Variants in PHF20 observed in about 807,000 individuals in gnomAD.
PHF20 encodes PHD finger protein 20, also known as glioma-expressed antigen 2.
PHF20 carries 23 observed loss-of-function variants against 113.5 expected under a neutral mutation model. That is an observed-to-expected ratio of 0.20 (90% CI 0.15 to 0.29). PHF20 has a LOEUF of 0.29. Among genes scored for constraint, PHF20 ranks in the 10% least tolerant of loss-of-function variants. PHF20 has a pLI of 1.00. For synonymous variants in PHF20, 434 were observed against 457.3 expected, an observed-to-expected ratio of 0.95 and a Z score of 0.65; for missense variants, 943 against 1,219.6, an observed-to-expected ratio of 0.77 and a Z score of 3.38.
Position 35,947,867 on chromosome 20 carries a change from G to A in PHF20, c.*240G>A. 2.4e-6 allele frequency: 1 copy of A among 417,344 alleles called. No homozygotes were observed. Among genetic ancestry groups the A allele is most frequent in the Non-Finnish European group, 4.3e-6 (1 of 230,192 alleles). The allele number at this position is 417,344 out of a possible 1,614,324, so 25.9% of individuals were successfully genotyped here. A position where few individuals can be genotyped will look rare whatever the true frequency, so the allele number is the denominator to read the frequency against. The stretch of plus-strand genomic sequence containing the variant: ...GACTCTTGGGATTCCCCTCTTCTGT[G>A]CACATCGTTGAATGAAGAGAGTCTT... On this transcript the variant is annotated 3_prime_UTR_variant, in exon 18 of 18. Coordinates refer to ENST00000374012, the MANE Select transcript of PHF20 (RefSeq NM_016436.5).
intron 3 of PHF20, 26 bp from the exon 4 acceptor site, chr20:35,847,324 C>CTTT (rs143955363): frequency 4.2e-5 from 49 of 1,172,162 alleles, no homozygotes; most frequent in Non-Finnish European, 5.2e-5. Context: ...GTAACAGGAT[C>CTTT]TTTTTTTTTT....
At chr20:35,825,839 A>G (rs1388438533) in intron 2 of PHF20, among the ~76,000 whole-genome samples, 1 of 152,012 alleles carries the variant, frequency 6.6e-6, no homozygotes, top group African/African-American at 2.4e-5. Flanking sequence ...TATTTTAAAA[A>G]TACTTTTTGT....
At chr20:35,772,270 C>A (rs931379535) in intron 1 of PHF20, among the ~76,000 whole-genome samples, 191 bp downstream of exon 1, 4 of 151,650 alleles carry the variant, frequency 2.6e-5, no homozygotes, top group African/African-American at 9.7e-5. Flanking sequence ...GAGAGCGTGG[C>A]GGGCGTGCGA....
At chr20:35,859,787 T>C (rs2425181) in intron 5 of PHF20, among the ~76,000 whole-genome samples, 26,827 of 152,124 alleles carry the variant, frequency 0.18, 2,591 homozygotes, top group South Asian at 0.36. Flanking sequence ...TCAGGCAATC[T>C]GCCCACCTCG....
chr20:35,942,357 C>T (rs745386923), intron 17 of PHF20, among the ~76,000 whole-genome samples: 4 of 152,128 alleles, frequency 2.6e-5, no homozygotes, highest in African/African-American at 4.8e-5. Context: ...TAATGTTAGA[C>T]AAAAAAGTGT....
chr20:35,943,552 T>C (rs569066141), intron 17 of PHF20, among the ~76,000 whole-genome samples: 4 of 151,582 alleles, frequency 2.6e-5, no homozygotes, highest in South Asian at 2.1e-4. Flanking sequence ...TATATATATA[T>C]GCCATTGTTT....
intron 3 of PHF20, chr20:35,845,380 TA>T: frequency 5.0e-6 from 2 of 398,344 alleles, no homozygotes; most frequent in South Asian, 1.8e-5. Flanking sequence ...TGTTTTTTTT[TA>T]AAGAGACGTT....
intron 13 of PHF20, among the ~76,000 whole-genome samples, chr20:35,921,509 C>A (rs1488703222): frequency 6.6e-6 from 1 of 151,708 alleles, no homozygotes; most frequent in Non-Finnish European, 1.5e-5. Context: ...ATAGCAAGAT[C>A]CTACCTCTAC....
chr20:35,846,856 C>T (rs1177011757), intron 3 of PHF20, among the ~76,000 whole-genome samples: 1 of 152,124 alleles, frequency 6.6e-6, no homozygotes, highest in Non-Finnish European at 1.5e-5. Flanking sequence ...TTGTTTAGCT[C>T]ACAATTCTGC....
intron 9 of PHF20, among the ~76,000 whole-genome samples, chr20:35,898,908 G>T (rs2055041716): frequency 6.6e-6 from 1 of 151,968 alleles, no homozygotes; most frequent in Non-Finnish European, 1.5e-5. Context: ...ACCATGCCCA[G>T]CCCATTTCTT....
chr20:35,826,272 GA>G (rs1409040182), intron 2 of PHF20, among the ~76,000 whole-genome samples: 1 of 152,098 alleles, frequency 6.6e-6, no homozygotes, highest in Non-Finnish European at 1.5e-5. Flanking sequence ...TCGAACTCTT[GA>G]CCCCAGGTGA....
intron 2 of PHF20, among the ~76,000 whole-genome samples, chr20:35,835,144 G>A (rs2032661064): frequency 1.3e-5 from 2 of 151,996 alleles, no homozygotes; most frequent in South Asian, 2.1e-4. Flanking sequence ...GTGTGGTGGC[G>A]GGCGCCTGTA....
chr20:35,781,969 T>C (rs1031099908), intron 1 of PHF20, among the ~76,000 whole-genome samples: 2 of 141,160 alleles, frequency 1.4e-5, no homozygotes, highest in Non-Finnish European at 2.9e-5. Flanking sequence ...AAATTATAAC[T>C]CTGTACCCAT....
chr20:35,918,400 G>T (rs189822343), intron 13 of PHF20, among the ~76,000 whole-genome samples: 1 of 152,096 alleles, frequency 6.6e-6, no homozygotes, highest in Non-Finnish European at 1.5e-5. Context: ...AAATAGACTG[G>T]GTCCTAGGGC....
intron 5 of PHF20, among the ~76,000 whole-genome samples, chr20:35,860,896 G>A (rs181185770): frequency 6.6e-6 from 1 of 152,278 alleles, no homozygotes; most frequent in East Asian, 1.9e-4. Flanking sequence ...GCGATACTCA[G>A]TAAATTGATG....
At chr20:35,881,509 C>A (rs1372968740) in intron 9 of PHF20, among the ~76,000 whole-genome samples, 1 of 148,720 alleles carries the variant, frequency 6.7e-6, no homozygotes, top group African/African-American at 2.5e-5. Context: ...CCACTGCACT[C>A]CAGCCTGGGC....
At chr20:35,836,844 C>CAAAA (rs36116121) in intron 2 of PHF20, among the ~76,000 whole-genome samples, 1 of 70,740 alleles carries the variant, frequency 1.4e-5, no homozygotes, top group Non-Finnish European at 3.0e-5. Context: ...GACTCCGTCT[C>CAAAA]AAAAAAAAAA....
chr20:35,832,803 A>C (rs2042377225), intron 2 of PHF20, among the ~76,000 whole-genome samples: 1 of 152,132 alleles, frequency 6.6e-6, no homozygotes, highest in Non-Finnish European at 1.5e-5. Flanking sequence ...TATTCCCAGC[A>C]CTTTGGGAGG....
Position 35,899,447 on chromosome 20 carries a change from T to A in PHF20, c.1360T>A (p.Cys454Ser). The change falls in exon 10 of 18, where the codon TGC becomes AGC. Residue 454 changes from cysteine (C) to serine (S), a missense_variant. Physicochemically the swap from Cys to Ser is moderately radical, Grantham distance 112. Transcript: ENST00000374012. ...TGTCGACCTAGACCATAAGTTTAGATGCAAAGTTGTGGACTGTTTAAAATT... is the reference window on the plus strand; with the variant it reads ...TGTCGACCTAGACCATAAGTTTAGAAGCAAAGTTGTGGACTGTTTAAAATT... ...PAVDLDHKFR[C>S]KVVDCLKFFR... The A allele has an allele frequency of 6.2e-7, 1 of 1,614,194 alleles. No homozygotes were observed. Among genetic ancestry groups the A allele is most frequent in the Non-Finnish European group, 8.5e-7 (1 of 1,180,006 alleles).
Sources: gnomAD v4.1 joint callset for allele counts (sites outside exome capture counted in the v4.1 genomes callset) on GRCh38, gnomAD v4.1.1 for gene constraint, MANE v1.5 for transcripts, NCBI Gene and HGNC (gene_info 2026-07-23, HGNC 2026-07-21) for gene names.